The following HADH variants were observed in gnomAD, a reference collection of about 807,000 sequenced individuals.
The protein encoded by HADH is hydroxyacyl-CoA dehydrogenase.
In HADH, 24 loss-of-function variants were observed where a neutral mutation model predicts 32.2. The observed-to-expected ratio is 0.75, with a 90% CI of 0.54 to 1.05. The LOEUF (loss-of-function observed/expected upper bound fraction) is 1.05. HADH is among the 50% of genes least tolerant of loss of function. The pLI is 0.00. For synonymous variants in HADH, 139 were observed against 152.5 expected, an observed-to-expected ratio of 0.91 and a Z score of 0.65; for missense variants, 350 against 397.1, an observed-to-expected ratio of 0.88 and a Z score of 1.01.
In HADH at chr4:108,001,542, A is replaced by G. The variant is rs1378492585; in HGVS notation, c.133-8217A>G. Among the ~76,000 whole-genome samples, 6 of 152,234 alleles carry G rather than the reference A, an allele frequency of 3.9e-5. No homozygotes were observed. In the East Asian group the frequency reaches 1.2e-3, roughly 29 times the overall value. Reference sequence around the variant, plus strand: ...GGCATTGACTTTAGCAATTTAGTAGACCATTGATAAGTTACAGTAGTCCCC... The same window carrying G: ...GGCATTGACTTTAGCAATTTAGTAGGCCATTGATAAGTTACAGTAGTCCCC... On this transcript the variant is annotated intron_variant, in intron 1 of 7. Coordinates refer to ENST00000309522, the MANE Select transcript of HADH (RefSeq NM_005327.7).
rs1735964506 is a variant in HADH at position 108,023,553 on chromosome 4, T to C, written c.626T>C (p.Val209Ala). 3 of 1,594,764 alleles carry C rather than the reference T, an allele frequency of 1.9e-6. No homozygotes were observed. Among genetic ancestry groups the C allele is most frequent in the Non-Finnish European group, 1.7e-6 (2 of 1,162,312 alleles). The change falls in exon 5 of 8, where the codon GTT becomes GCT. Residue 209 changes from valine to alanine, a missense_variant. Val to Ala is a moderately conservative substitution (Grantham distance 64). Transcript: ENST00000309522. Reference sequence around the variant, plus strand: ...AGCAAAGCCCTAGGAAAGCATCCTGTTTCTTGCAAGGTAAGAGTATGGGTA... The same window carrying C: ...AGCAAAGCCCTAGGAAAGCATCCTGCTTCTTGCAAGGTAAGAGTATGGGTA... ...DFSKALGKHP[V>A]SCKDTPGFIV... is the part of the protein sequence containing the mutation.
Position 108,033,191 on chromosome 4 carries a change from A to G in HADH, c.725A>G (p.Glu242Gly), listed in dbSNP as rs1736337186. The G allele has an allele frequency of 6.3e-7, 1 of 1,594,874 alleles. No individual in the cohort carries two copies. Among genetic ancestry groups the G allele is most frequent in the Non-Finnish European group, 8.6e-7 (1 of 1,162,456 alleles). Residue 242 changes from glutamate (E) to glycine (G), a missense_variant, in exon 7 of 8, where the codon GAA becomes GGA. Physicochemically the swap from Glu to Gly is moderately conservative, Grantham distance 98. Transcript: ENST00000309522. ...RLYERGDASK[E>G]DIDTAMKLGA... ...TTCTCCTTAGGTGACGCATCCAAAG[A>G]AGACATTGACACTGCTATGAAATTA...
At chr4:108,032,817 A>G in intron 6 of HADH, 1 of 344,852 alleles carries the variant, frequency 2.9e-6, no homozygotes, top group South Asian at 2.6e-5. Flanking sequence ...CCCTATCTCT[A>G]CTAAAAATAT....
At chr4:108,001,110 G>A (rs1735108782) in intron 1 of HADH, among the ~76,000 whole-genome samples, 1 of 152,158 alleles carries the variant, frequency 6.6e-6, no homozygotes, top group South Asian at 2.1e-4. Context: ...TCATGGAGAG[G>A]GTAGCATTTG....
Position 107,989,928 on chromosome 4 carries a change from A to G in HADH, c.-5A>G. ...TCTCCTCGCTGTCGCCGCCGCTGCC[A>G]CACCATGGCCTTCGTCACCAGGCAG... is the stretch of plus-strand genomic sequence containing the variant. On this transcript the variant is annotated 5_prime_UTR_variant, in exon 1 of 8. Transcript: ENST00000309522. The G allele has an allele frequency of 2.5e-6, 4 of 1,612,054 alleles. No individual in the cohort carries two copies. Among genetic ancestry groups the G allele is most frequent in the Admixed American group, 1.7e-5 (1 of 59,952 alleles).
At chr4:108,005,232 A>T (rs967795209) in intron 1 of HADH, 9 of 211,084 alleles carry the variant, frequency 4.3e-5, no homozygotes, top group Non-Finnish European at 7.7e-5. Flanking sequence ...TCCTAGAATT[A>T]ATACAAGTGT....
chr4:108,005,547 T>C (rs370973800), intron 1 of HADH, among the ~76,000 whole-genome samples: 15 of 152,230 alleles, frequency 9.9e-5, no homozygotes, highest in African/African-American at 3.4e-4. Flanking sequence ...GTTATAGGCA[T>C]AATGGTAACT....
chr4:108,022,690 A>G (rs1038974977), intron 4 of HADH, among the ~76,000 whole-genome samples: 3 of 152,192 alleles, frequency 2.0e-5, no homozygotes, highest in Non-Finnish European at 4.4e-5. Context: ...CAACCATCAT[A>G]TACTTCCAGA....
At chr4:108,013,371 A>G (rs1199009368) in intron 2 of HADH, among the ~76,000 whole-genome samples, 2 of 151,896 alleles carry the variant, frequency 1.3e-5, no homozygotes, top group Admixed American at 6.6e-5. Flanking sequence ...GATAGCCTGC[A>G]TTTTCTGCTT....
intron 3 of HADH, 93 bp downstream of exon 3, chr4:108,014,681 C>A: frequency 8.5e-7 from 1 of 1,172,434 alleles, no homozygotes; most frequent in Non-Finnish European, 1.2e-6. Context: ...TTTGTGAGTA[C>A]AAGTGCAGTT....
intron 2 of HADH, among the ~76,000 whole-genome samples, chr4:108,011,437 G>T (rs770973608): frequency 6.6e-6 from 1 of 152,122 alleles, no homozygotes; most frequent in Non-Finnish European, 1.5e-5. Flanking sequence ...CAGGGGAACT[G>T]TCCTTTATAA....
In HADH at chr4:108,014,508, A is replaced by T; in HGVS notation, c.339A>T (p.Thr113=). 2 of 1,614,158 alleles carry T rather than the reference A, an allele frequency of 1.2e-6. No individual in the cohort carries two copies. Among genetic ancestry groups the T allele is most frequent in the South Asian group, 1.1e-5 (1 of 91,084 alleles). The change falls in exon 3 of 8, where the codon ACA becomes ACT. Residue 113 remains threonine (T), a synonymous_variant. Transcript: ENST00000309522. ...STDAASVVHS[T]DLVVEAIVEN... is the part of the protein sequence containing the mutation. Reference sequence around the variant, plus strand: ...ATGCAGCCTCCGTTGTCCACAGCACAGACTTGGTGGTGGAAGCCATCGTGG... The same window carrying T: ...ATGCAGCCTCCGTTGTCCACAGCACTGACTTGGTGGTGGAAGCCATCGTGG...
intron 1 of HADH, among the ~76,000 whole-genome samples, chr4:108,009,554 A>G (rs576612600): frequency 5.3e-5 from 8 of 152,142 alleles, no homozygotes; most frequent in Non-Finnish European, 8.8e-5. Flanking sequence ...TGTTGTATTC[A>G]ATATAAAGGG....
chr4:107,994,570 C>G (rs1734901353), intron 1 of HADH, among the ~76,000 whole-genome samples: 1 of 152,172 alleles, frequency 6.6e-6, no homozygotes, highest in Non-Finnish European at 1.5e-5. Context: ...GCTTTGCTTG[C>G]AAAGCAGTAC....
intron 1 of HADH, among the ~76,000 whole-genome samples, chr4:107,990,307 C>T (rs1403720731): frequency 6.6e-6 from 1 of 152,184 alleles, no homozygotes; most frequent in Non-Finnish European, 1.5e-5. Context: ...TCTGGCTGCC[C>T]CCAGGGCCCG....
intron 1 of HADH, among the ~76,000 whole-genome samples, chr4:108,003,283 G>C (rs1191419607): frequency 6.6e-6 from 1 of 152,146 alleles, no homozygotes; most frequent in East Asian, 1.9e-4. Context: ...AAGGCTGTCT[G>C]CACATGGCAG....
At chr4:107,993,624 A>T (rs1209090590) in intron 1 of HADH, among the ~76,000 whole-genome samples, 1 of 152,232 alleles carries the variant, frequency 6.6e-6, no homozygotes, top group African/African-American at 2.4e-5. Flanking sequence ...AAGCAATTTA[A>T]GACAAGTTCA....
At chr4:108,004,911 T>TTAAC in intron 1 of HADH, 1 of 1,535,230 alleles carries the variant, frequency 6.5e-7, no homozygotes, top group East Asian at 2.4e-5. Flanking sequence ...AGGCTATTGT[T>TTAAC]AAAGAGGTAA....
In HADH at chr4:108,027,845, G is replaced by A. The variant is rs1044886670; in HGVS notation, c.709+85G>A. The A allele has an allele frequency of 8.2e-5, 68 of 829,722 alleles. 1 individual carries two copies. In the East Asian group the frequency reaches 1.2e-3, roughly 15 times the overall value. 51.4% of individuals were successfully genotyped at this position (829,722 alleles called of 1,614,324 possible). A position where few individuals can be genotyped will look rare whatever the true frequency, so the allele number is the denominator to read the frequency against. On this transcript the variant is annotated intron_variant, in intron 6 of 7. Transcript: ENST00000309522. ...ATTCTCAGTGTCTCTAGGAGGGGTCGGGCCGTGCACAATGGAGGAAGCAGT... is the reference window on the plus strand; with the variant it reads ...ATTCTCAGTGTCTCTAGGAGGGGTCAGGCCGTGCACAATGGAGGAAGCAGT...
Sources: gnomAD v4.1 joint callset for allele counts (sites outside exome capture counted in the v4.1 genomes callset) on GRCh38, gnomAD v4.1.1 for gene constraint, MANE v1.5 for transcripts, NCBI Gene and HGNC (gene_info 2026-07-23, HGNC 2026-07-21) for gene names.